Variants in IL34 observed in about 807,000 individuals in gnomAD.
The protein encoded by IL34 is interleukin-34.
Under a neutral mutation model 25.3 loss-of-function variants are expected in IL34, and 17 were observed. The ratio of observed to expected loss-of-function variants is 0.67; its 90% CI spans 0.46 to 1.01. The LOEUF is 1.01. Among genes scored for constraint, IL34 ranks in the 50% least tolerant of loss-of-function variants. The pLI is 0.00. For missense variants in IL34, 368 were observed against 312.9 expected (o/e 1.18, Z -1.33); for synonymous variants, 174 against 140.9 (o/e 1.23, Z -1.66).
upstream of IL34, among the ~76,000 whole-genome samples, chr16:70,642,383 T>C (rs188517627): frequency 2.0e-3 from 300 of 151,648 alleles, no homozygotes; most frequent in Non-Finnish European, 3.3e-3. Flanking sequence ...CTGCAAACTT[T>C]GCCCTCTGAG....
intron 1 of IL34, among the ~76,000 whole-genome samples, chr16:70,652,904 G>A (rs755022839): frequency 3.9e-5 from 6 of 152,094 alleles, no homozygotes; most frequent in East Asian, 1.9e-4. Context: ...TTGTTAAAAC[G>A]AAATGAGCTG....
chr16:70,628,341 T>G (rs963318230), intron 1 of IL34, among the ~76,000 whole-genome samples: 1 of 152,208 alleles, frequency 6.6e-6, no homozygotes, highest in Non-Finnish European at 1.5e-5. Context: ...TTCTGTGTCC[T>G]TTAGCATTGT....
chr16:70,629,339 A>G (rs2051466008), intron 1 of IL34, among the ~76,000 whole-genome samples: 1 of 152,194 alleles, frequency 6.6e-6, no homozygotes. Context: ...GAGGTATTTT[A>G]TCATGTTAGG....
intron 1 of IL34, among the ~76,000 whole-genome samples, chr16:70,611,501 C>A (rs2051090924): frequency 6.6e-6 from 1 of 152,102 alleles, no homozygotes; most frequent in Non-Finnish European, 1.5e-5. Context: ...TTAAAAACAG[C>A]CTTCGGGCTG....
intron 2 of IL34, 129 bp downstream of exon 2, chr16:70,654,800 G>C: frequency 8.2e-7 from 1 of 1,221,142 alleles, no homozygotes; most frequent in Non-Finnish European, 1.1e-6. Context: ...CTGTTTCTCT[G>C]CCTTTCTCCG....
chr16:70,584,857 C>T lies in IL34; in HGVS notation c.-401+4808C>T, dbSNP rs571987934. Among the ~76,000 whole-genome samples the T allele has an allele frequency of 3.0e-4, 46 of 151,982 alleles. No individual in the cohort carries two copies. The South Asian group carries it at 9.2e-3, about 30-fold the overall frequency. ...CTGGGATTACAGGCTCCTGCCACCACGCCCGGCTAATTTTTGTATTTTTAG... is the reference window on the plus strand; with the variant it reads ...CTGGGATTACAGGCTCCTGCCACCATGCCCGGCTAATTTTTGTATTTTTAG... On this transcript the variant is annotated intron_variant, in intron 1 of 6. Coordinates refer to the IL34 transcript ENST00000429149.
At chr16:70,599,321 C>CTTTCTTTCT (rs1567439392) in intron 1 of IL34, among the ~76,000 whole-genome samples, 5 of 127,062 alleles carry the variant, frequency 3.9e-5, no homozygotes, top group South Asian at 2.6e-4. Flanking sequence ...TCTTTCTTTT[C>CTTTCTTTCT]TTTCTTTCTC....
chr16:70,639,775 G>C (rs1192557352), intron 1 of IL34, among the ~76,000 whole-genome samples: 1 of 152,072 alleles, frequency 6.6e-6, no homozygotes, highest in Non-Finnish European at 1.5e-5. Context: ...GCAACATAGT[G>C]AGACCCTGTC....
chr16:70,660,188 G>A lies in IL34; in HGVS notation c.*1G>A, dbSNP rs2052368982. ...ACAGGGCGAGGGCCTCTTGCCCTGAGCACCCTGGATGGTGACTGCGGATAG... is the reference window on the plus strand; with the variant it reads ...ACAGGGCGAGGGCCTCTTGCCCTGAACACCCTGGATGGTGACTGCGGATAG... On this transcript the variant is annotated 3_prime_UTR_variant, in exon 6 of 6. Transcript: ENST00000288098. 14 of 1,572,304 alleles carry A rather than the reference G, an allele frequency of 8.9e-6. No individual in the cohort carries two copies. The highest frequency in any genetic ancestry group is 1.2e-5 in the Non-Finnish European group (14 of 1,161,238).
intron 1 of IL34, among the ~76,000 whole-genome samples, chr16:70,630,581 T>C (rs2051497703): frequency 6.6e-6 from 1 of 151,698 alleles, no homozygotes; most frequent in Non-Finnish European, 1.5e-5. Context: ...TTCTTTCTTT[T>C]TTCTTTTTTT....
upstream of IL34, among the ~76,000 whole-genome samples, chr16:70,643,573 C>G (rs1270432989): frequency 6.6e-6 from 1 of 152,210 alleles, no homozygotes; most frequent in Non-Finnish European, 1.5e-5. Flanking sequence ...CGGGTTCTCA[C>G]TATGTTGCCC....
chr16:70,620,590 C>T (rs1325600411), intron 1 of IL34, among the ~76,000 whole-genome samples: 1 of 151,960 alleles, frequency 6.6e-6, no homozygotes, highest in Non-Finnish European at 1.5e-5. Context: ...ACTGAGGGGA[C>T]AGGCGGGAGG....
intron 1 of IL34, among the ~76,000 whole-genome samples, chr16:70,601,597 G>A (rs2050918780): frequency 6.6e-6 from 1 of 152,104 alleles, no homozygotes. Flanking sequence ...ACGGGGTTTT[G>A]CCATGTTGCC....
intron 1 of IL34, among the ~76,000 whole-genome samples, chr16:70,607,520 G>A (rs1180878005): frequency 6.6e-6 from 1 of 152,154 alleles, no homozygotes; most frequent in African/African-American, 2.4e-5. Context: ...GGAATCTCCA[G>A]CACAAAGCTG....
At chr16:70,648,762 C>T (rs2052006214) in intron 1 of IL34, among the ~76,000 whole-genome samples, 1 of 151,924 alleles carries the variant, frequency 6.6e-6, no homozygotes, top group South Asian at 2.1e-4. Context: ...AATTAGAAAG[C>T]TTCGGGTGGC....
intron 1 of IL34, among the ~76,000 whole-genome samples, chr16:70,648,190 T>G (rs1597776250): frequency 6.6e-6 from 1 of 151,994 alleles, no homozygotes; most frequent in Non-Finnish European, 1.5e-5. Context: ...TCTGGTGGTG[T>G]TTGTAGGAGT....
At chr16:70,616,440 T>A (rs1463446646) in intron 1 of IL34, among the ~76,000 whole-genome samples, 1 of 152,078 alleles carries the variant, frequency 6.6e-6, no homozygotes, top group Non-Finnish European at 1.5e-5. Context: ...TATGAAAAAA[T>A]TTTAATTTAT....
intron 1 of IL34, among the ~76,000 whole-genome samples, chr16:70,635,594 C>T (rs2051623476): frequency 6.6e-6 from 1 of 152,162 alleles, no homozygotes; most frequent in African/African-American, 2.4e-5. Context: ...TGAGCAGGAG[C>T]TGTTTCCAGT....
chr16:70,590,903 A>T (rs1432805903), intron 1 of IL34, among the ~76,000 whole-genome samples: 6 of 152,200 alleles, frequency 3.9e-5, no homozygotes, highest in African/African-American at 1.4e-4. Context: ...CACAGTACAG[A>T]TGTAGCTGCT....
Sources: allele counts gnomAD v4.1 joint callset (sites outside exome capture counted in the v4.1 genomes callset), GRCh38; gene constraint gnomAD v4.1.1; transcripts MANE v1.5; gene names NCBI Gene and HGNC (gene_info 2026-07-23, HGNC 2026-07-21).